Variants in ACCSL observed in about 807,000 individuals in gnomAD.
ACCSL encodes the protein probable inactive 1-aminocyclopropane-1-carboxylate synthase-like protein 2.
Under a neutral mutation model 61.7 loss-of-function variants are expected in ACCSL, and 55 were observed. That is an observed-to-expected ratio of 0.89 (90% confidence interval 0.72 to 1.12). ACCSL has a LOEUF of 1.12. Among genes scored for constraint, ACCSL ranks in the 50% most tolerant of loss-of-function variants. The pLI is 0.00. For missense variants in ACCSL, 632 were observed against 698.0 expected (o/e 0.91, Z 1.07); for synonymous variants, 258 against 264.3 (o/e 0.98, Z 0.23).
At chr11:43,984,121 A>G in the ACCSL span, among the ~76,000 whole-genome samples, 1 of 146,154 alleles carries the variant, frequency 6.8e-6, no homozygotes, top group Non-Finnish European at 1.5e-5. Context: ...CATATAAAAG[A>G]AAAAAAAAAC....
intron 8 of ACCSL, among the ~76,000 whole-genome samples, chr11:44,054,023 AAC>A (rs1311539963): frequency 6.6e-6 from 1 of 152,228 alleles, no homozygotes; most frequent in African/African-American, 2.4e-5. Context: ...ACATTTATAT[AAC>A]AGTCAAAATA....
chr11:43,942,481 CG>C, the ACCSL span: 1 of 211,742 alleles, frequency 4.7e-6, no homozygotes, highest in South Asian at 4.5e-5. Flanking sequence ...CGGGCGGCGC[CG>C]GGGAAGGGGC....
At chr11:43,948,052 A>G in the ACCSL span, among the ~76,000 whole-genome samples, 2 of 152,152 alleles carry the variant, frequency 1.3e-5, no homozygotes. Flanking sequence ...CAGAGGTAAT[A>G]GGTGGCCATC....
intron 3 of ACCSL, among the ~76,000 whole-genome samples, chr11:44,050,906 A>G (rs1206271636): frequency 5.0e-5 from 7 of 138,948 alleles, no homozygotes; most frequent in Non-Finnish European, 1.1e-4. Context: ...CAGTGGTGCT[A>G]TCTCAGCTCA....
chr11:43,929,964 G>T, the ACCSL span, among the ~76,000 whole-genome samples: 1 of 152,194 alleles, frequency 6.6e-6, no homozygotes, highest in Non-Finnish European at 1.5e-5. Context: ...TGAGGAGGAG[G>T]GTGGAAGGGA....
chr11:44,034,497 T>A, the ACCSL span, among the ~76,000 whole-genome samples: 1 of 152,188 alleles, frequency 6.6e-6, no homozygotes, highest in Non-Finnish European at 1.5e-5. Flanking sequence ...CAGTTCCACA[T>A]GGCCGAGGAG....
At chr11:44,040,945 C>A in the ACCSL span, among the ~76,000 whole-genome samples, 1 of 152,316 alleles carries the variant, frequency 6.6e-6, no homozygotes, top group South Asian at 2.1e-4. Flanking sequence ...CTTTCCACGT[C>A]CTACTCGTAC....
At chr11:44,019,724 C>T in the ACCSL span, among the ~76,000 whole-genome samples, 56,556 of 151,880 alleles carry the variant, frequency 0.37, 11,090 homozygotes, top group Admixed American at 0.41. Flanking sequence ...TGATAGTGTC[C>T]CTTGAAGCAC....
chr11:43,942,832 G>A, the ACCSL span: 17 of 1,113,952 alleles, frequency 1.5e-5, no homozygotes, highest in African/African-American at 1.7e-4. Context: ...CCTCCCGGGG[G>A]GCCCCGGCGC....
chr11:44,039,315 C>T, the ACCSL span, among the ~76,000 whole-genome samples: 1 of 152,158 alleles, frequency 6.6e-6, no homozygotes, highest in Admixed American at 6.5e-5. Flanking sequence ...ATTCCTACCA[C>T]TCAGCCATAA....
At chr11:43,946,975 GT>G in the ACCSL span, 1 of 152,320 alleles carries the variant, frequency 6.6e-6, no homozygotes. Context: ...GGGAGCTTGT[GT>G]TAGTCCGTTC....
the ACCSL span, among the ~76,000 whole-genome samples, chr11:44,001,935 C>A: frequency 4.2e-5 from 6 of 141,852 alleles, no homozygotes; most frequent in Non-Finnish European, 9.3e-5. Context: ...ACTGTCCTCA[C>A]CCCGCTGCAC....
At chr11:44,057,033 A>C (rs1462463921) in intron 11 of ACCSL, among the ~76,000 whole-genome samples, 1 of 152,202 alleles carries the variant, frequency 6.6e-6, no homozygotes, top group Non-Finnish European at 1.5e-5. Flanking sequence ...CAAAAACAAC[A>C]CAAACACTCT....
At chr11:44,003,351 T>C in the ACCSL span, among the ~76,000 whole-genome samples, 15 of 152,154 alleles carry the variant, frequency 9.9e-5, no homozygotes, top group Admixed American at 9.8e-4. Context: ...TACAGTTTAG[T>C]GGCATTAAAT....
chr11:43,942,071 TGTGTGCGC>T, the ACCSL span, among the ~76,000 whole-genome samples: 1 of 140,464 alleles, frequency 7.1e-6, no homozygotes, highest in Non-Finnish European at 1.5e-5. Flanking sequence ...TGTGTGTGTG[TGTGTGCGC>T]GCGCGCGCCT....
Position 44,048,297 on chromosome 11 carries a change from G to A in ACCSL, c.261G>A (p.Ala87=), listed in dbSNP as rs762559172. 39 of 1,613,988 alleles carry A rather than the reference G, an allele frequency of 2.4e-5. No homozygotes were observed. The highest frequency in any genetic ancestry group is 3.3e-5 in the Admixed American group (2 of 59,996). The part of the protein sequence containing the change: ...RMINLLQSGA[A]SGLELQVPLP... ...TCAACCTCCTACAGTCTGGGGCCGCGAGTGGCCTGGAGCTCCAAGTGCCTC... is the reference window on the plus strand; with the variant it reads ...TCAACCTCCTACAGTCTGGGGCCGCAAGTGGCCTGGAGCTCCAAGTGCCTC... The change falls in exon 1 of 14, where the codon GCG becomes GCA. Residue 87 remains alanine, a synonymous_variant. Coordinates refer to ENST00000378832, the MANE Select transcript of ACCSL (RefSeq NM_001031854.2).
chr11:44,036,518 A>T, the ACCSL span, among the ~76,000 whole-genome samples: 1 of 152,160 alleles, frequency 6.6e-6, no homozygotes, highest in African/African-American at 2.4e-5. Context: ...GCTGTGGTGC[A>T]CACCTGCAAT....
At chr11:43,947,638 A>G in the ACCSL span, among the ~76,000 whole-genome samples, 2 of 152,298 alleles carry the variant, frequency 1.3e-5, no homozygotes, top group East Asian at 3.9e-4. Flanking sequence ...GGAAAGAGAA[A>G]GAGATGCAGG....
At chr11:43,985,644 G>T in the ACCSL span, among the ~76,000 whole-genome samples, 1 of 152,332 alleles carries the variant, frequency 6.6e-6, no homozygotes, top group East Asian at 1.9e-4. Flanking sequence ...GGCACGGTCT[G>T]GTGAGAGGGT....
Sources: allele counts gnomAD v4.1 joint callset (sites outside exome capture counted in the v4.1 genomes callset), GRCh38; gene constraint gnomAD v4.1.1; transcripts MANE v1.5; gene names NCBI Gene and HGNC (gene_info 2026-07-23, HGNC 2026-07-21).